Variants in ZNF66 observed in about 807,000 individuals in gnomAD.
ZNF66 encodes the protein zinc finger protein 66, also known as putative zinc finger protein 66.
Under a neutral mutation model 35.2 loss-of-function variants are expected in ZNF66, and 32 were observed. That is an observed-to-expected ratio of 0.91 (90% CI 0.69 to 1.22). The LOEUF is 1.22. Ranked by LOEUF, ZNF66 falls within the 50% of genes most tolerant of loss-of-function variation. The pLI is 0.00. For synonymous variants in ZNF66, 231 were observed against 181.3 expected (o/e 1.27, Z -2.20); for missense variants, 666 against 543.1 (o/e 1.23, Z -2.25).
chr19:20,787,862 G>A (rs1971302265), intron 1 of ZNF66, among the ~76,000 whole-genome samples: 1 of 152,210 alleles, frequency 6.6e-6, no homozygotes, highest in Non-Finnish European at 1.5e-5. Context: ...TTCCACCAGG[G>A]CAGTTCCATT....
intron 1 of ZNF66, among the ~76,000 whole-genome samples, chr19:20,784,435 A>G (rs1971269678): frequency 6.6e-6 from 1 of 152,196 alleles, no homozygotes; most frequent in African/African-American, 2.4e-5. Context: ...AGTAAACACA[A>G]TTTAGGTATC....
At chr19:20,803,504 T>G (rs1971470705) in intron 3 of ZNF66, among the ~76,000 whole-genome samples, 1 of 152,012 alleles carries the variant, frequency 6.6e-6, no homozygotes, top group Admixed American at 6.6e-5. Context: ...TGCCTTCTAT[T>G]TTGTTATTGA....
intron 1 of ZNF66, among the ~76,000 whole-genome samples, chr19:20,780,130 C>A (rs1019478449): frequency 7.9e-5 from 12 of 152,020 alleles, no homozygotes; most frequent in African/African-American, 2.7e-4. Flanking sequence ...AAGACAAATT[C>A]AGCTGTTTTT....
intron 3 of ZNF66, chr19:20,799,065 C>CTTTTTTTTTTTTTTTTTTTT (rs746296804): frequency 7.8e-6 from 1 of 128,156 alleles, no homozygotes; most frequent in African/African-American, 3.0e-5. Context: ...TTCTTTCTTT[C>CTTTTTTTTTTTTTTTTTTTT]TTTTTTTTTT....
At chr19:20,792,776 A>T (rs914136723) in intron 2 of ZNF66, 138 bp downstream of exon 2, 1 of 617,340 alleles carries the variant, frequency 1.6e-6, no homozygotes, top group Non-Finnish European at 2.6e-6. Context: ...GAATTTGTTC[A>T]TTTAGAAAAG....
chr19:20,800,204 T>G (rs978600385), intron 3 of ZNF66, among the ~76,000 whole-genome samples: 1 of 152,156 alleles, frequency 6.6e-6, no homozygotes, highest in Admixed American at 6.5e-5. Flanking sequence ...GTTTATAGTG[T>G]TAGGATCTCA....
rs1971365157 is a variant in ZNF66, at chr19:20,793,835, A to AG, written c.183_184insG (p.Pro62AlafsTer8). On this transcript the variant is annotated frameshift_variant, in exon 3 of 4. Transcript: ENST00000344519. LOFTEE classifies it high-confidence loss of function. ...TCACCCATCTGGAGCAAGGAAAAAA[A>AG]CCTTCGACTATGCAGAGACATGAGA... 3.4e-6 allele frequency: 4 copies of AG among 1,172,724 alleles called. No individual in the cohort carries two copies. Among genetic ancestry groups the AG allele is most frequent in the Admixed American group, 4.8e-5 (2 of 41,498 alleles). The allele number at this position is 1,172,724 out of a possible 1,614,324, so 72.6% of individuals were successfully genotyped here.
intron 1 of ZNF66, among the ~76,000 whole-genome samples, chr19:20,789,622 C>T (rs187179321): frequency 7.9e-5 from 12 of 152,252 alleles, no homozygotes; most frequent in Admixed American, 3.3e-4. Context: ...TAACCTCTTT[C>T]TTTCTGTATC....
intron 1 of ZNF66, among the ~76,000 whole-genome samples, chr19:20,787,709 A>G (rs577940195): frequency 6.6e-5 from 10 of 152,352 alleles, no homozygotes; most frequent in African/African-American, 2.4e-4. Flanking sequence ...CATCTTAGGC[A>G]TGAGAGATCA....
At chr19:20,781,136 A>G (rs1242618841) in intron 1 of ZNF66, among the ~76,000 whole-genome samples, 2 of 152,208 alleles carry the variant, frequency 1.3e-5, no homozygotes, top group Admixed American at 1.3e-4. Flanking sequence ...GCACACAGTA[A>G]TAAATCAGAG....
At position 20,806,194 on chromosome 19, in the gene ZNF66, G is replaced by T. The variant is rs745655244; in HGVS notation, c.594G>T (p.Glu198Asp). 4 of 1,339,448 alleles carry T rather than the reference G, an allele frequency of 3.0e-6. No homozygotes were observed. In the African/African-American group the frequency reaches 4.3e-5, roughly 14 times the overall value. 83.0% of individuals were successfully genotyped at this position (1,339,448 alleles called of 1,614,324 possible). A position where few individuals can be genotyped will look rare whatever the true frequency, so the allele number is the denominator to read the frequency against. Residue 198 changes from glutamate to aspartate, a missense_variant, in exon 4 of 4, where the codon GAG (glutamate) becomes GAT (aspartate). Glu to Asp is a conservative substitution (Grantham distance 45, BLOSUM62 2). Coordinates refer to ENST00000344519, the MANE Select transcript of ZNF66 (RefSeq NM_001355197.2). ...CACATAAGAAAATTCATACTGGAGAGAAACCCTATAAATGTATAGAATGTG... is the reference window on the plus strand; with the variant it reads ...CACATAAGAAAATTCATACTGGAGATAAACCCTATAAATGTATAGAATGTG... ...FTTHKKIHTG[E>D]KPYKCIECGK... is the part of the protein sequence containing the mutation.
At chr19:20,782,960 C>T (rs1388298865) in intron 1 of ZNF66, among the ~76,000 whole-genome samples, 3 of 151,928 alleles carry the variant, frequency 2.0e-5, no homozygotes, top group Non-Finnish European at 4.4e-5. Context: ...CTTAGGTTAT[C>T]GTGCAGATTT....
At chr19:20,803,509 T>C (rs1332109691) in intron 3 of ZNF66, among the ~76,000 whole-genome samples, 1 of 152,024 alleles carries the variant, frequency 6.6e-6, no homozygotes, top group Non-Finnish European at 1.5e-5. Context: ...TCTATTTTGT[T>C]ATTGAGTTTG....
In ZNF66 at chr19:20,807,169, C is replaced by G. The variant is rs1971527863; in HGVS notation, c.1569C>G (p.Thr523=). The change falls in exon 4 of 4, where the codon ACC becomes ACG. Residue 523 remains threonine, a synonymous_variant. Coordinates refer to ENST00000344519, the MANE Select transcript of ZNF66 (RefSeq NM_001355197.2). ...GCAAAGACTTTAAGTACTCCTCTAC[C>G]CTTACTAGACATAAGAAAATTCATA... ...ECGKDFKYSS[T]LTRHKKIHTG... The G allele has an allele frequency of 2.6e-6, 2 of 765,676 alleles. No individual in the cohort carries two copies. Among genetic ancestry groups the G allele is most frequent in the Non-Finnish European group, 4.6e-6 (2 of 436,808 alleles). The allele number at this position is 765,676 out of a possible 1,614,324, so 47.4% of individuals were successfully genotyped here.
intron 3 of ZNF66, chr19:20,794,637 T>C (rs1158609453): frequency 6.6e-6 from 1 of 151,724 alleles, no homozygotes; most frequent in Non-Finnish European, 1.5e-5. Context: ...ATTGTAAACT[T>C]TTTTTTACCT....
chr19:20,781,866 G>T (rs1034277056), intron 1 of ZNF66, among the ~76,000 whole-genome samples: 1 of 150,328 alleles, frequency 6.7e-6, no homozygotes, highest in Non-Finnish European at 1.5e-5. Flanking sequence ...TGCAAAGGAC[G>T]TGATTTTTTT....
In ZNF66 at chr19:20,806,516, A is replaced by G. The variant is rs1469227457; in HGVS notation, c.916A>G (p.Ile306Val). The G allele has an allele frequency of 1.3e-6, 2 of 1,527,164 alleles. No individual in the cohort carries two copies. Among genetic ancestry groups the G allele is most frequent in the Non-Finnish European group, 1.8e-6 (2 of 1,102,380 alleles). 94.6% of individuals were successfully genotyped at this position (1,527,164 alleles called of 1,614,324 possible). A position where few individuals can be genotyped will look rare whatever the true frequency, so the allele number is the denominator to read the frequency against. ...YLSSLSTHKI[I>V]HTGEKPYKCE... ...TTCTTCCCTTTCTACACATAAGATA[A>G]TTCATACTGGAGAGAAACCCTACAA... Residue 306 changes from isoleucine (I) to valine (V), a missense_variant, in exon 4 of 4, where the codon ATT becomes GTT. Transcript: ENST00000344519.
intron 3 of ZNF66, among the ~76,000 whole-genome samples, chr19:20,798,172 CA>C: frequency 6.6e-6 from 1 of 152,012 alleles, no homozygotes; most frequent in Non-Finnish European, 1.5e-5. Flanking sequence ...TATTTCCTTT[CA>C]TGAGAGAAAC....
At chr19:20,776,601 A>G in intron 1 of ZNF66, 151 bp downstream of exon 1, 2 of 1,147,546 alleles carry the variant, frequency 1.7e-6, no homozygotes, top group Non-Finnish European at 2.5e-6. Context: ...GGCTACGCTG[A>G]CAGCCTGGCC....
Sources: allele counts gnomAD v4.1 joint callset (sites outside exome capture counted in the v4.1 genomes callset), GRCh38; gene constraint gnomAD v4.1.1; transcripts MANE v1.5; gene names NCBI Gene and HGNC (gene_info 2026-07-23, HGNC 2026-07-21).